The following WSCD2 variants were observed in gnomAD, a reference collection of about 807,000 sequenced individuals.
WSCD2 encodes sialate:O-sulfotransferase 2.
In WSCD2, 28 loss-of-function variants were observed where a neutral mutation model predicts 55.7. The ratio of observed to expected loss-of-function variants is 0.50; its 90% CI spans 0.37 to 0.69. WSCD2 has a LOEUF of 0.69. Ranked by LOEUF, WSCD2 falls within the 30% of genes least tolerant of loss-of-function variation. The pLI, the probability that WSCD2 is intolerant of heterozygous loss-of-function variation, is 0.00. For missense variants in WSCD2, 616 were observed against 762.1 expected (o/e 0.81, Z 2.26); for synonymous variants, 301 against 301.9 (o/e 1.00, Z 0.03).
intron 1 of WSCD2, among the ~76,000 whole-genome samples, chr12:108,169,204 C>G (rs1019785142): frequency 1.3e-5 from 2 of 152,194 alleles, no homozygotes; most frequent in Non-Finnish European, 1.5e-5. Flanking sequence ...AAAACAAGTT[C>G]AGGGATCCCA....
intron 1 of WSCD2, among the ~76,000 whole-genome samples, chr12:108,160,058 T>C (rs1289584021): frequency 6.6e-6 from 1 of 152,168 alleles, no homozygotes; most frequent in Non-Finnish European, 1.5e-5. Context: ...TCATAGTTAA[T>C]TTAGGATCTC....
intron 1 of WSCD2, among the ~76,000 whole-genome samples, chr12:108,144,282 G>A (rs1281345): frequency 0.67 from 101,094 of 151,976 alleles, 35,672 homozygotes; most frequent in East Asian, 0.91. Context: ...GGTCATACGC[G>A]TTATGCATTC....
intron 1 of WSCD2, among the ~76,000 whole-genome samples, chr12:108,142,468 G>A (rs1245466493): frequency 6.6e-6 from 1 of 152,190 alleles, no homozygotes; most frequent in African/African-American, 2.4e-5. Flanking sequence ...TCAGGTGTAA[G>A]GCAGATCTCG....
Position 108,211,739 on chromosome 12 carries a change from C to T in WSCD2, c.682+1434C>T, listed in dbSNP as rs1394707134. ...TGTGATCTTGGCTCATTGCAACCCC[C>T]GTATGCCAGGTTCAAGCAATTCTCC... On this transcript the variant is annotated intron_variant, in intron 4 of 8. Transcript: ENST00000547525. 2.7e-5 allele frequency among the ~76,000 whole-genome samples: 4 copies of T among 150,730 alleles called. No homozygotes were observed. In the East Asian group the frequency reaches 7.7e-4, roughly 29 times the overall value.
At chr12:108,181,486 G>A (rs1881752939) in intron 1 of WSCD2, among the ~76,000 whole-genome samples, 1 of 152,190 alleles carries the variant, frequency 6.6e-6, no homozygotes, top group African/African-American at 2.4e-5. Flanking sequence ...GGGATAAGAA[G>A]AGTAAAGGAT....
At chr12:108,181,718 A>G (rs530913568) in intron 1 of WSCD2, among the ~76,000 whole-genome samples, 3 of 152,206 alleles carry the variant, frequency 2.0e-5, no homozygotes, top group South Asian at 2.1e-4. Context: ...AAGCCTTGCC[A>G]AGGTCTTGAG....
intron 1 of WSCD2, among the ~76,000 whole-genome samples, chr12:108,180,727 C>G (rs1311334071): frequency 1.3e-5 from 2 of 152,224 alleles, no homozygotes; most frequent in African/African-American, 4.8e-5. Context: ...TGAGCCTCCT[C>G]CAACTCTCAC....
intron 8 of WSCD2, 88 bp from the exon 9 acceptor site, chr12:108,247,903 G>A (rs1232190821): frequency 1.4e-6 from 2 of 1,382,602 alleles, no homozygotes; most frequent in East Asian, 2.3e-5. Flanking sequence ...GTTGTGCTGT[G>A]AATAATGGTA....
Position 108,196,057 on chromosome 12 carries a change from T to C in WSCD2, c.225T>C (p.Gly75=), listed in dbSNP as rs1204273202. ...SFLGDMHLGR[G]FRDTGEASSI... ...TGGGTGACATGCATCTGGGCAGAGG[T>C]TTCCGGGACACAGGTGAAGCCTCAA... The change falls in exon 2 of 9, where the codon GGT becomes GGC. Residue 75 remains glycine (G), a synonymous_variant. Coordinates refer to ENST00000547525, the MANE Select transcript of WSCD2 (RefSeq NM_014653.4). 3 of 1,613,970 alleles carry C rather than the reference T, an allele frequency of 1.9e-6. No individual in the cohort carries two copies. Among genetic ancestry groups the C allele is most frequent in the Non-Finnish European group, 2.5e-6 (3 of 1,180,030 alleles).
chr12:108,210,830 G>A lies in WSCD2; in HGVS notation c.682+525G>A, dbSNP rs77046929. On this transcript the variant is annotated intron_variant, in intron 4 of 8. Transcript: ENST00000547525. The surrounding 1 kb of genome is among the most constrained non-coding windows in gnomAD (Gnocchi z 4.3). ...TTGTAAGCAGCAGAGAATTTAAACCGACTCTGGAGTCCTTGATGCTTTCAA... is the reference window on the plus strand; with the variant it reads ...TTGTAAGCAGCAGAGAATTTAAACCAACTCTGGAGTCCTTGATGCTTTCAA... 5.4e-3 allele frequency among the ~76,000 whole-genome samples: 826 copies of A among 152,294 alleles called. 5 individuals are homozygous for A. The highest frequency in any genetic ancestry group is 0.019 in the African/African-American group (786 of 41,548).
intron 1 of WSCD2, among the ~76,000 whole-genome samples, chr12:108,152,336 C>G (rs762239547): frequency 3.9e-5 from 6 of 152,182 alleles, no homozygotes; most frequent in South Asian, 2.1e-4. Flanking sequence ...TCAACCTGAG[C>G]AGGGCAGGGT....
intron 1 of WSCD2, among the ~76,000 whole-genome samples, chr12:108,167,917 G>A (rs1879825815): frequency 6.6e-6 from 1 of 152,224 alleles, no homozygotes; most frequent in South Asian, 2.1e-4. Context: ...ATGAAATGTG[G>A]ATTCTGGAGA....
intron 1 of WSCD2, among the ~76,000 whole-genome samples, chr12:108,145,486 T>C (rs1268385283): frequency 6.6e-6 from 1 of 152,158 alleles, no homozygotes; most frequent in African/African-American, 2.4e-5. Flanking sequence ...ACAACAAAAC[T>C]GTGGAGTTAA....
intron 4 of WSCD2, among the ~76,000 whole-genome samples, chr12:108,213,678 TA>T (rs558063811): frequency 1.3e-5 from 2 of 152,110 alleles, no homozygotes; most frequent in African/African-American, 4.8e-5. Context: ...ATTAGGCAAA[TA>T]AAAGAGTGCA....
At chr12:108,228,352 T>A (rs1486706751) in intron 6 of WSCD2, among the ~76,000 whole-genome samples, 3 of 152,132 alleles carry the variant, frequency 2.0e-5, no homozygotes, top group Non-Finnish European at 4.4e-5. Context: ...GGCAGTATCA[T>A]CCCCACTTTA....
chr12:108,211,253 A>G (rs1593037672), intron 4 of WSCD2, among the ~76,000 whole-genome samples: 3 of 152,138 alleles, frequency 2.0e-5, no homozygotes, highest in African/African-American at 7.2e-5. Context: ...TCTGGGGGTT[A>G]CCCCTCCCAC....
intron 1 of WSCD2, chr12:108,131,799 G>C (rs965216376): frequency 1.3e-5 from 2 of 152,284 alleles, no homozygotes; most frequent in African/African-American, 2.4e-5. Flanking sequence ...GGGGAGCCCA[G>C]GGTGGTCTGG....
intron 1 of WSCD2, among the ~76,000 whole-genome samples, chr12:108,150,087 G>A (rs1877815082): frequency 6.6e-6 from 1 of 152,086 alleles, no homozygotes; most frequent in African/African-American, 2.4e-5. Context: ...TTGCTAGGAG[G>A]ACCTCATTTA....
intron 6 of WSCD2, among the ~76,000 whole-genome samples, chr12:108,229,959 A>G (rs1426368): frequency 0.16 from 23,658 of 151,880 alleles, 1,896 homozygotes; most frequent in Middle Eastern, 0.18. Flanking sequence ...TGTGACATAC[A>G]TTAACTTTTG....
Sources: allele counts gnomAD v4.1 joint callset (sites outside exome capture counted in the v4.1 genomes callset), GRCh38; gene constraint gnomAD v4.1.1; non-coding constraint Gnocchi (gnomAD v3.1); transcripts MANE v1.5; gene names NCBI Gene and HGNC (gene_info 2026-07-23, HGNC 2026-07-21).